SNTG2: variants seen among roughly 807,000 people sequenced by gnomAD.
SNTG2 encodes syntrophin gamma 2, also known as gamma-2-syntrophin.
In SNTG2, 74 loss-of-function variants were observed where a neutral mutation model predicts 70.9. The observed-to-expected ratio is 1.04, with a 90% CI of 0.86 to 1.27. SNTG2 has a LOEUF of 1.27. SNTG2 is among the 50% of genes most tolerant of loss of function. The probability of loss-of-function intolerance (pLI) is 0.00; values close to 1 mark genes in which losing one functional copy is unlikely to be tolerated. For missense variants in SNTG2, 717 were observed against 690.7 expected (o/e 1.04, Z -0.43); for synonymous variants, 278 against 273.8 (o/e 1.02, Z -0.15).
intron 16 of SNTG2, among the ~76,000 whole-genome samples, chr2:1,336,797 A>AGTTCTGTTTTTGTCT (rs1659840513): frequency 6.6e-6 from 1 of 152,070 alleles, no homozygotes; most frequent in Non-Finnish European, 1.5e-5. Flanking sequence ...TTGGGGTCTC[A>AGTTCTGTTTTTGTCT]ATTCTGTTTT....
rs569887186 is a variant in SNTG2, at chr2:1,250,219, C to T, written c.1005+2776C>T. Among the ~76,000 whole-genome samples, 371 of 152,350 alleles carry T rather than the reference C, an allele frequency of 2.4e-3. 3 individuals carry two copies. The highest frequency in any genetic ancestry group is 8.5e-3 in the African/African-American group (355 of 41,584). ...CAAAGTCCGTGCTCTGTCTCCGCCA[C>T]CTGGCTTTGCCATGGTTTGTTAGGG... On this transcript the variant is annotated intron_variant, in intron 12 of 16. Transcript: ENST00000308624.
chr2:1,194,759 G>C (rs1386953517), intron 8 of SNTG2, among the ~76,000 whole-genome samples: 1 of 151,960 alleles, frequency 6.6e-6, no homozygotes, highest in Non-Finnish European at 1.5e-5. Flanking sequence ...TTAAGTTCTG[G>C]GGTAGATGTG....
chr2:1,313,701 G>A (rs765654023), intron 15 of SNTG2, among the ~76,000 whole-genome samples: 65 of 152,256 alleles, frequency 4.3e-4, no homozygotes, highest in Non-Finnish European at 8.1e-4. Flanking sequence ...GAGCCACCAC[G>A]TCCGGCCACA....
At chr2:1,131,864 A>T (rs6739868) in intron 4 of SNTG2, among the ~76,000 whole-genome samples, 18,451 of 151,920 alleles carry the variant, frequency 0.12, 1,173 homozygotes, top group Admixed American at 0.15. Context: ...GTTAGCCAGG[A>T]TGGTCTCGAT....
At chr2:1,285,585 GAAATA>G in intron 14 of SNTG2, among the ~76,000 whole-genome samples, 1 of 152,262 alleles carries the variant, frequency 6.6e-6, no homozygotes, top group South Asian at 2.1e-4. Context: ...AAAGGAAAAA[GAAATA>G]AAATGAAGAT....
chr2:1,087,494 T>C (rs1664759660), intron 2 of SNTG2, among the ~76,000 whole-genome samples: 1 of 152,242 alleles, frequency 6.6e-6, no homozygotes, highest in African/African-American at 2.4e-5. Context: ...CAGTATGTGA[T>C]ATTGACTTTG....
chr2:1,253,078 G>A (rs1677856909), intron 12 of SNTG2, among the ~76,000 whole-genome samples: 1 of 152,080 alleles, frequency 6.6e-6, no homozygotes. Flanking sequence ...TTGGATCAGA[G>A]ACAGGTTGTT....
chr2:1,172,542 A>C (rs996946152), intron 7 of SNTG2, among the ~76,000 whole-genome samples: 1 of 152,222 alleles, frequency 6.6e-6, no homozygotes, highest in Non-Finnish European at 1.5e-5. Context: ...TCCATGGAGC[A>C]TGAAGATCTA....
chr2:1,203,669 A>ATATAT (rs1553355220), intron 8 of SNTG2, among the ~76,000 whole-genome samples: 11 of 94,258 alleles, frequency 1.2e-4, no homozygotes, highest in East Asian at 5.9e-4. Context: ...CAAACAAAAA[A>ATATAT]AAAAATATAT....
At chr2:1,287,564 G>A (rs765569424) in intron 14 of SNTG2, among the ~76,000 whole-genome samples, 3 of 152,250 alleles carry the variant, frequency 2.0e-5, no homozygotes, top group Non-Finnish European at 4.4e-5. Flanking sequence ...GTGGAGAATA[G>A]CAGCAGGGGG....
chr2:992,472 TAAATG>T (rs147934868), intron 1 of SNTG2, among the ~76,000 whole-genome samples: 55,155 of 151,644 alleles, frequency 0.36, 10,482 homozygotes, highest in Middle Eastern at 0.52. Flanking sequence ...ATTTCAAAAA[TAAATG>T]AAATATTTAA....
chr2:971,976 G>T (rs1188982408), intron 1 of SNTG2, among the ~76,000 whole-genome samples: 1 of 151,918 alleles, frequency 6.6e-6, no homozygotes, highest in East Asian at 1.9e-4. Context: ...TGATTTTCTT[G>T]TTATTGATTT....
At chr2:1,316,149 T>G in intron 15 of SNTG2, 116 bp from the exon 16 acceptor site, 1 of 588,030 alleles carries the variant, frequency 1.7e-6, no homozygotes, top group Middle Eastern at 4.0e-4. Context: ...AAACGTCGAT[T>G]TAAACATTAA....
chr2:1,055,619 A>G (rs1572319176), intron 1 of SNTG2, among the ~76,000 whole-genome samples: 2 of 152,088 alleles, frequency 1.3e-5, no homozygotes, highest in Non-Finnish European at 2.9e-5. Context: ...AGGTACAACT[A>G]TTTATCAGTT....
At chr2:1,098,321 CCA>C (rs1232063669) in intron 3 of SNTG2, 30 bp from the exon 4 acceptor site, 13 of 1,613,638 alleles carry the variant, frequency 8.1e-6, no homozygotes, top group Non-Finnish European at 1.1e-5. Context: ...ATCATGATAA[CCA>C]CGTTTCTTTC....
intron 6 of SNTG2, among the ~76,000 whole-genome samples, chr2:1,159,083 C>T (rs995934949): frequency 2.0e-5 from 3 of 146,506 alleles, no homozygotes; most frequent in Non-Finnish European, 4.5e-5. Context: ...CACGTGTGTC[C>T]GTGTGTATGT....
At chr2:1,131,735 T>C (rs1448552899) in intron 4 of SNTG2, among the ~76,000 whole-genome samples, 1 of 151,646 alleles carries the variant, frequency 6.6e-6, no homozygotes, top group Non-Finnish European at 1.5e-5. Context: ...CACTGCAACC[T>C]CCACCTCCCG....
chr2:1,263,348 T>G (rs1405340186), intron 13 of SNTG2, among the ~76,000 whole-genome samples: 1 of 152,216 alleles, frequency 6.6e-6, no homozygotes, highest in Non-Finnish European at 1.5e-5. Flanking sequence ...GTCCTATTAT[T>G]AAGGTTATAT....
chr2:1,364,485 G>T (rs567962594), intron 16 of SNTG2, among the ~76,000 whole-genome samples: 1 of 151,784 alleles, frequency 6.6e-6, no homozygotes, highest in Non-Finnish European at 1.5e-5. Flanking sequence ...GGCCGGGCGC[G>T]GTGGCTCACG....
Sources: gnomAD v4.1 joint callset for allele counts (sites outside exome capture counted in the v4.1 genomes callset) on GRCh38, gnomAD v4.1.1 for gene constraint, MANE v1.5 for transcripts, NCBI Gene and HGNC (gene_info 2026-07-23, HGNC 2026-07-21) for gene names.